PRICKLE1: variants seen among roughly 807,000 people sequenced by gnomAD.
The protein encoded by PRICKLE1 is prickle planar cell polarity protein 1.
In PRICKLE1, 14 loss-of-function variants were observed where a neutral mutation model predicts 70.2. The ratio of observed to expected loss-of-function variants is 0.20; its 90% confidence interval spans 0.13 to 0.31. The LOEUF is 0.31. Ranked by LOEUF, PRICKLE1 falls within the 10% of genes least tolerant of loss-of-function variation. PRICKLE1 has a pLI of 1.00. For missense variants in PRICKLE1, 821 were observed against 1,026.2 expected (o/e 0.80, Z 2.73); for synonymous variants, 357 against 379.9 (o/e 0.94, Z 0.70).
At chr12:42,479,261 T>C (rs930069973) in intron 1 of PRICKLE1, among the ~76,000 whole-genome samples, 1 of 152,266 alleles carries the variant, frequency 6.6e-6, no homozygotes, top group Non-Finnish European at 1.5e-5. Context: ...TCATCTTCTT[T>C]TTGAGCTTGC....
intron 7 of PRICKLE1, among the ~76,000 whole-genome samples, chr12:42,461,719 T>C (rs935583829): frequency 6.6e-6 from 1 of 152,252 alleles, no homozygotes; most frequent in African/African-American, 2.4e-5. Flanking sequence ...TTTGATATAA[T>C]AGGACCCAGG....
chr12:42,533,281 G>A (rs1939956037), intron 1 of PRICKLE1, among the ~76,000 whole-genome samples: 2 of 149,486 alleles, frequency 1.3e-5, no homozygotes, highest in South Asian at 4.2e-4. Context: ...TTAATGAATC[G>A]TTATGTTATT....
chr12:42,498,035 G>T (rs1238756520), intron 1 of PRICKLE1, among the ~76,000 whole-genome samples: 1 of 152,030 alleles, frequency 6.6e-6, no homozygotes, highest in Non-Finnish European at 1.5e-5. Context: ...ATAGAGATGG[G>T]TCTCACTATG....
At chr12:42,566,795 T>C (rs1044560495) in intron 1 of PRICKLE1, among the ~76,000 whole-genome samples, 1 of 152,212 alleles carries the variant, frequency 6.6e-6, no homozygotes, top group African/African-American at 2.4e-5. Flanking sequence ...CTGGGGTTAA[T>C]ACAGTCATCA....
intron 1 of PRICKLE1, among the ~76,000 whole-genome samples, chr12:42,473,964 A>G (rs956005614): frequency 1.3e-5 from 2 of 152,190 alleles, no homozygotes; most frequent in South Asian, 2.1e-4. Flanking sequence ...GTGTTGGAAA[A>G]TACTACCTAT....
intron 1 of PRICKLE1, chr12:42,483,623 A>G (rs550869855): frequency 6.6e-6 from 1 of 151,674 alleles, no homozygotes; most frequent in East Asian, 2.0e-4. Flanking sequence ...ATTGCAGCGG[A>G]CCGCGCCCCC....
At chr12:42,494,227 G>A (rs931298260) in intron 1 of PRICKLE1, among the ~76,000 whole-genome samples, 2 of 152,190 alleles carry the variant, frequency 1.3e-5, no homozygotes, top group African/African-American at 4.8e-5. Flanking sequence ...TAAAGGTTGG[G>A]ATGATTGTGA....
chr12:42,531,332 C>T (rs1939915093), intron 1 of PRICKLE1, among the ~76,000 whole-genome samples: 1 of 152,150 alleles, frequency 6.6e-6, no homozygotes, highest in African/African-American at 2.4e-5. Flanking sequence ...AGGCGTGAGC[C>T]ACCGCGCCTG....
chr12:42,534,193 G>A (rs965261811), intron 1 of PRICKLE1, among the ~76,000 whole-genome samples: 5 of 152,268 alleles, frequency 3.3e-5, no homozygotes, highest in African/African-American at 9.6e-5. Flanking sequence ...GAGCAGATCC[G>A]GATGCAGAAG....
intron 5 of PRICKLE1, among the ~76,000 whole-genome samples, chr12:42,468,210 A>T (rs912974006): frequency 2.0e-5 from 3 of 152,220 alleles, no homozygotes; most frequent in Non-Finnish European, 4.4e-5. Flanking sequence ...AACTACTATT[A>T]ATTTGGTATT....
rs11181544 is a variant in PRICKLE1, at chr12:42,532,766, G to A, written c.-49+56699C>T. ...CAAAAAATTAGCCGCACGCTGTGGC[G>A]GGCGCCTGTAGTCCCAGCTACTCGG... On this transcript the variant is annotated intron_variant, in intron 1 of 7. Transcript: ENST00000345127. Among the ~76,000 whole-genome samples the A allele has an allele frequency of 3.6e-4, 54 of 151,978 alleles. 1 individual carries two copies. The East Asian group carries it at 9.5e-3, about 27-fold the overall frequency.
chr12:42,460,361 C>T lies in PRICKLE1; in HGVS notation c.1944G>A (p.Arg648=), dbSNP rs2140087181. 6.2e-7 allele frequency: 1 copy of T among 1,614,074 alleles called. No homozygotes were observed. Among genetic ancestry groups the T allele is most frequent in the South Asian group, 1.1e-5 (1 of 91,066 alleles). Reference sequence around the variant, plus strand: ...GAGTCCTTTCACTCATCGGAGGCTGCCGGATTTCAATGTCATAGTTCCCAT... The same window carrying T: ...GAGTCCTTTCACTCATCGGAGGCTGTCGGATTTCAATGTCATAGTTCCCAT... ...IDNGNYDIEI[R]QPPMSERTRR... Residue 648 remains arginine, a synonymous_variant, in exon 8 of 8, where the codon CGG becomes CGA. Coordinates refer to ENST00000345127, the MANE Select transcript of PRICKLE1 (RefSeq NM_153026.3).
At chr12:42,572,469 A>AATTAATT (rs1566132167) in intron 1 of PRICKLE1, among the ~76,000 whole-genome samples, 69 of 146,702 alleles carry the variant, frequency 4.7e-4, no homozygotes, top group African/African-American at 1.6e-3. Flanking sequence ...ATAAATAAAT[A>AATTAATT]AATTAAAAAT....
chr12:42,559,606 G>GTA (rs1202538313), intron 1 of PRICKLE1, among the ~76,000 whole-genome samples: 2,720 of 110,372 alleles, frequency 0.025, 72 homozygotes, highest in Middle Eastern at 0.056. Context: ...GTGTGTGTGT[G>GTA]TATATATATA....
chr12:42,576,881 T>C (rs1265458748), intron 1 of PRICKLE1, among the ~76,000 whole-genome samples: 1 of 152,240 alleles, frequency 6.6e-6, no homozygotes, highest in East Asian at 1.9e-4. Flanking sequence ...CCAGTAGGTA[T>C]GGTGACATAT....
chr12:42,468,694 C>T lies in PRICKLE1; in HGVS notation c.520G>A (p.Asp174Asn). 1.2e-6 allele frequency: 2 copies of T among 1,614,066 alleles called. No homozygotes were observed. Among genetic ancestry groups the T allele is most frequent in the Non-Finnish European group, 1.7e-6 (2 of 1,180,006 alleles). Residue 174 changes from aspartate (D) to asparagine (N), a missense_variant, in exon 5 of 8, where the codon GAT (aspartate) becomes AAT (asparagine). Transcript: ENST00000345127. The part of the protein sequence containing the change: ...LLVDLIYFYQ[D>N]GKIHCGRHHA... ...TGCCTGCCACAGTGAATTTTTCCAT[C>T]CTGATAAAAATAGATGAGGTCGACC...
chr12:42,498,932 T>C (rs555800179), intron 1 of PRICKLE1, among the ~76,000 whole-genome samples: 2 of 152,326 alleles, frequency 1.3e-5, no homozygotes, highest in East Asian at 1.9e-4. Flanking sequence ...GCTTCCACAC[T>C]GAGCTCTCAC....
At chr12:42,569,952 C>A (rs1462328650) in intron 1 of PRICKLE1, among the ~76,000 whole-genome samples, 3 of 152,230 alleles carry the variant, frequency 2.0e-5, no homozygotes, top group Non-Finnish European at 4.4e-5. Context: ...CACTAAGTGA[C>A]CCCCGGCACT....
intron 1 of PRICKLE1, among the ~76,000 whole-genome samples, chr12:42,559,783 G>A (rs1224684767): frequency 6.6e-6 from 1 of 151,336 alleles, no homozygotes; most frequent in Non-Finnish European, 1.5e-5. Flanking sequence ...TTAAATACAG[G>A]CAACTGACCT....
Sources: gnomAD v4.1 joint callset for allele counts (sites outside exome capture counted in the v4.1 genomes callset) on GRCh38, gnomAD v4.1.1 for gene constraint, MANE v1.5 for transcripts, NCBI Gene and HGNC (gene_info 2026-07-23, HGNC 2026-07-21) for gene names.